RALGAPA2: variants seen among roughly 807,000 people sequenced by gnomAD.
The protein encoded by RALGAPA2 is ral GTPase-activating protein subunit alpha-2.
In RALGAPA2, 139 loss-of-function variants were observed where a neutral mutation model predicts 230.4. The ratio of observed to expected loss-of-function variants is 0.60; its 90% CI spans 0.53 to 0.69. The LOEUF is 0.69. Among genes scored for constraint, RALGAPA2 ranks in the 30% least tolerant of loss-of-function variants. The pLI, the probability that RALGAPA2 is intolerant of heterozygous loss-of-function variation, is 0.00. For missense variants in RALGAPA2, 2,163 were observed against 2,276.0 expected (o/e 0.95, Z 1.01); for synonymous variants, 847 against 837.8 (o/e 1.01, Z -0.19).
At chr20:20,508,660 TA>T (rs202150757) in intron 33 of RALGAPA2, among the ~76,000 whole-genome samples, 35 of 152,222 alleles carry the variant, frequency 2.3e-4, no homozygotes, top group Non-Finnish European at 4.4e-4. Context: ...ATATCAGAAT[TA>T]AACAGAAATG....
chr20:20,626,946 T>G (rs1438499078), intron 10 of RALGAPA2, among the ~76,000 whole-genome samples: 1 of 152,190 alleles, frequency 6.6e-6, no homozygotes, highest in African/African-American at 2.4e-5. Context: ...TGCTGACCCC[T>G]GCTATAGATG....
intron 31 of RALGAPA2, among the ~76,000 whole-genome samples, chr20:20,518,181 G>C (rs768925474): frequency 6.6e-6 from 1 of 152,016 alleles, no homozygotes; most frequent in East Asian, 1.9e-4. Flanking sequence ...TCAGCCTCCT[G>C]AGTAGCTGGG....
intron 37 of RALGAPA2, among the ~76,000 whole-genome samples, chr20:20,426,582 G>A (rs992501607): frequency 2.0e-5 from 3 of 152,118 alleles, no homozygotes; most frequent in Admixed American, 1.3e-4. Flanking sequence ...GGTGAGGAAG[G>A]GAAACACTGT....
intron 18 of RALGAPA2, among the ~76,000 whole-genome samples, chr20:20,585,606 A>C (rs978770143): frequency 6.6e-6 from 1 of 152,218 alleles, no homozygotes; most frequent in African/African-American, 2.4e-5. Flanking sequence ...CTGTTGCCTT[A>C]ATTGGCTCAG....
chr20:20,658,170 A>G (rs559666283), intron 3 of RALGAPA2, among the ~76,000 whole-genome samples: 13 of 152,366 alleles, frequency 8.5e-5, no homozygotes, highest in African/African-American at 2.9e-4. Context: ...TGGATATGAA[A>G]TGCATGCCCA....
At chr20:20,519,896 G>C (rs1285525732) in intron 31 of RALGAPA2, among the ~76,000 whole-genome samples, 1 of 151,340 alleles carries the variant, frequency 6.6e-6, no homozygotes, top group Non-Finnish European at 1.5e-5. Context: ...TTTTAAGATA[G>C]AGTCTCACTC....
chr20:20,607,881 C>A (rs1303982755), intron 14 of RALGAPA2, among the ~76,000 whole-genome samples: 1 of 152,218 alleles, frequency 6.6e-6, no homozygotes, highest in Non-Finnish European at 1.5e-5. Flanking sequence ...TAATTCACAA[C>A]TGACAACACG....
chr20:20,583,023 G>A lies in RALGAPA2; in HGVS notation c.2707+27C>T, dbSNP rs377030803. 3 of 1,605,390 alleles carry A rather than the reference G, an allele frequency of 1.9e-6. No individual in the cohort carries two copies. In the South Asian group the frequency reaches 3.3e-5, roughly 18 times the overall value. ...ACTGATCTCCCAGCTGTTTGCATTAGTGCCTCTTTTTCAAAATGCAATTTA... is the reference window on the plus strand; with the variant it reads ...ACTGATCTCCCAGCTGTTTGCATTAATGCCTCTTTTTCAAAATGCAATTTA... On this transcript the variant is annotated intron_variant, in intron 20 of 39. Transcript: ENST00000202677.
rs1405610512 is a variant in RALGAPA2 at position 20,512,224 on chromosome 20, TACACACACACACACATACACACAC to T, written c.4856+265_4856+288del. ...AACAAACAACAACAACAACCCCCCC[TACACACACACACACATACACACAC>T]ACACACACACACACACACACAAATG... On this transcript the variant is annotated intron_variant, in intron 32 of 39. Transcript: ENST00000202677. Among the ~76,000 whole-genome samples the T allele has an allele frequency of 2.2e-5, 3 of 137,786 alleles. No individual in the cohort carries two copies. In the East Asian group the frequency reaches 6.3e-4, roughly 29 times the overall value. The allele number at this position is 137,786 out of a possible 152,430, so 90.4% of individuals were successfully genotyped here. A position where few individuals can be genotyped will look rare whatever the true frequency, so the allele number is the denominator to read the frequency against.
At chr20:20,558,826 A>AT (rs2064167390) in intron 23 of RALGAPA2, among the ~76,000 whole-genome samples, 1 of 150,748 alleles carries the variant, frequency 6.6e-6, no homozygotes, top group South Asian at 2.1e-4. Flanking sequence ...AAAAAAAAAA[A>AT]GCTCAGGGCT....
rs753335469 is a variant in RALGAPA2, at chr20:20,639,796, T to A, written c.655A>T (p.Met219Leu). The change falls in exon 7 of 40, where the codon ATG becomes TTG. Residue 219 changes from methionine (M) to leucine (L), a missense_variant. Transcript: ENST00000202677. ...AATTTTTCTCTGACCTGAATAACCA[T>A]ATACTTCAACAGTATTTGAAGAAAA... ...CFFLQILLKY[M>L]VIQAASLEWK... The A allele has an allele frequency of 2.5e-6, 4 of 1,605,342 alleles. No homozygotes were observed. The African/African-American group carries it at 5.4e-5, about 21-fold the overall frequency.
chr20:20,568,959 G>A (rs569044198), intron 23 of RALGAPA2, among the ~76,000 whole-genome samples: 3 of 152,192 alleles, frequency 2.0e-5, no homozygotes, highest in Non-Finnish European at 4.4e-5. Flanking sequence ...ATACATAAAA[G>A]TGTGGCCCTT....
intron 1 of RALGAPA2, among the ~76,000 whole-genome samples, chr20:20,685,366 A>G (rs2068663047): frequency 6.6e-6 from 1 of 152,238 alleles, no homozygotes; most frequent in African/African-American, 2.4e-5. Context: ...ACAAGGCCAC[A>G]TGGGGAAGCT....
intron 35 of RALGAPA2, among the ~76,000 whole-genome samples, chr20:20,502,853 G>A (rs1349577738): frequency 6.6e-6 from 1 of 152,196 alleles, no homozygotes; most frequent in Non-Finnish European, 1.5e-5. Context: ...GGTTGCCTGA[G>A]GCAAACATCC....
chr20:20,680,188 T>C (rs1243526788), intron 2 of RALGAPA2, among the ~76,000 whole-genome samples: 1 of 152,258 alleles, frequency 6.6e-6, no homozygotes, highest in Non-Finnish European at 1.5e-5. Context: ...GGTGACAGGA[T>C]GTATAATGTA....
intron 36 of RALGAPA2, among the ~76,000 whole-genome samples, chr20:20,474,834 C>T (rs1318894545): frequency 6.6e-6 from 1 of 152,084 alleles, no homozygotes; most frequent in Non-Finnish European, 1.5e-5. Context: ...ATGCTAGAGT[C>T]AGGGGAAAGG....
intron 37 of RALGAPA2, among the ~76,000 whole-genome samples, chr20:20,456,062 C>T (rs1467085044): frequency 1.3e-5 from 2 of 152,236 alleles, no homozygotes; most frequent in Non-Finnish European, 2.9e-5. Context: ...CTATTGCTTT[C>T]ATGACTTAAC....
intron 10 of RALGAPA2, among the ~76,000 whole-genome samples, chr20:20,624,046 G>A (rs865879437): frequency 4.6e-5 from 7 of 152,282 alleles, no homozygotes; most frequent in Middle Eastern, 3.4e-3. Context: ...GGAAAAAGAC[G>A]CTGGACGCGG....
Position 20,635,478 on chromosome 20 carries a change from CTTT to C in RALGAPA2, c.942_944del (p.Lys315del). The C allele has an allele frequency of 1.3e-6, 2 of 1,599,952 alleles. No homozygotes were observed. The highest frequency in any genetic ancestry group is 1.7e-6 in the Non-Finnish European group (2 of 1,174,720). ...TAGTGTTTTGTGTTGCAGTTAGATA[CTTT>C]TTTTCCAAAAAGAAGGTTACAATCC... is the stretch of plus-strand genomic sequence containing the variant. On this transcript the variant is annotated inframe_deletion, in exon 9 of 40. Transcript: ENST00000202677.
Sources: allele counts gnomAD v4.1 joint callset (sites outside exome capture counted in the v4.1 genomes callset), GRCh38; gene constraint gnomAD v4.1.1; transcripts MANE v1.5; gene names NCBI Gene and HGNC (gene_info 2026-07-23, HGNC 2026-07-21).